The following DPP10 variants were observed in gnomAD, a reference collection of about 807,000 sequenced individuals.
DPP10 encodes inactive dipeptidyl peptidase 10.
In DPP10, 33 loss-of-function variants were observed where a neutral mutation model predicts 120.9. That is an observed-to-expected ratio of 0.27 (90% confidence interval 0.21 to 0.37). DPP10 has a LOEUF of 0.37. DPP10 is among the 10% of genes least tolerant of loss of function. The pLI, the probability that DPP10 is intolerant of heterozygous loss-of-function variation, is 1.00. For missense variants in DPP10, 816 were observed against 942.8 expected (o/e 0.87, Z 1.76); for synonymous variants, 337 against 326.1 (o/e 1.03, Z -0.36).
chr2:115,276,672 A>G (rs1433132638), intron 1 of DPP10, among the ~76,000 whole-genome samples: 1 of 152,208 alleles, frequency 6.6e-6, no homozygotes, highest in Admixed American at 6.5e-5. Flanking sequence ...AGAATTTTGT[A>G]AGATATCCAA....
At chr2:114,464,771 G>A (rs950160659) in intron 1 of DPP10, among the ~76,000 whole-genome samples, 7 of 152,176 alleles carry the variant, frequency 4.6e-5, no homozygotes, top group Non-Finnish European at 7.4e-5. Context: ...AGTCTGAGGC[G>A]GGAGAATCGC....
At chr2:115,512,631 G>T (rs933764608) in intron 4 of DPP10, among the ~76,000 whole-genome samples, 1 of 151,152 alleles carries the variant, frequency 6.6e-6, no homozygotes, top group African/African-American at 2.4e-5. Context: ...TATTTCTGTT[G>T]TTATTTATTT....
intron 7 of DPP10, among the ~76,000 whole-genome samples, chr2:115,716,317 G>T (rs1487891813): frequency 6.6e-6 from 1 of 152,124 alleles, no homozygotes; most frequent in Non-Finnish European, 1.5e-5. Context: ...TTTTTGACAT[G>T]CTTTTCAGCC....
At chr2:114,553,552 C>T (rs1485758981) in intron 1 of DPP10, among the ~76,000 whole-genome samples, 5 of 152,088 alleles carry the variant, frequency 3.3e-5, no homozygotes, top group South Asian at 4.2e-4. Context: ...TCAAGAGAGG[C>T]GAGTGGTTTT....
intron 1 of DPP10, among the ~76,000 whole-genome samples, chr2:114,648,312 G>C (rs976048774): frequency 1.9e-4 from 29 of 152,144 alleles, no homozygotes; most frequent in African/African-American, 7.0e-4. Context: ...AAACTAGCAG[G>C]TTAACTTGTT....
intron 2 of DPP10, among the ~76,000 whole-genome samples, chr2:115,337,830 G>A (rs2063235994): frequency 1.3e-5 from 2 of 151,438 alleles, no homozygotes; most frequent in Admixed American, 1.3e-4. Context: ...TTAAGGAAAG[G>A]AACAAAGAAA....
intron 19 of DPP10, among the ~76,000 whole-genome samples, chr2:115,805,950 T>G (rs576579941): frequency 5.3e-5 from 8 of 152,144 alleles, no homozygotes; most frequent in Non-Finnish European, 4.4e-5. Flanking sequence ...AATCCCCGTT[T>G]TTGCAGGTGA....
chr2:114,552,642 T>C (rs1396348214), intron 1 of DPP10, among the ~76,000 whole-genome samples: 1 of 152,032 alleles, frequency 6.6e-6, no homozygotes, highest in Non-Finnish European at 1.5e-5. Context: ...GTCTCCCAGG[T>C]TCAAGCAATT....
intron 1 of DPP10, among the ~76,000 whole-genome samples, chr2:114,510,291 C>G (rs560739437): frequency 3.3e-5 from 5 of 152,284 alleles, no homozygotes; most frequent in Admixed American, 3.3e-4. Flanking sequence ...GATTGTTACA[C>G]CTCACAGGCT....
chr2:114,974,342 G>C (rs537648128), intron 1 of DPP10, among the ~76,000 whole-genome samples: 3 of 151,816 alleles, frequency 2.0e-5, no homozygotes, highest in African/African-American at 7.3e-5. Context: ...AGAGTAACAT[G>C]CTGTTCAGGT....
chr2:115,737,634 G>C (rs1676725947), intron 8 of DPP10, among the ~76,000 whole-genome samples: 1 of 152,152 alleles, frequency 6.6e-6, no homozygotes, highest in Non-Finnish European at 1.5e-5. Flanking sequence ...ACATGGCCTA[G>C]ATCAGTTGCA....
intron 13 of DPP10, among the ~76,000 whole-genome samples, chr2:115,769,634 G>T (rs1183391317): frequency 6.6e-6 from 1 of 151,834 alleles, no homozygotes; most frequent in African/African-American, 2.4e-5. Context: ...TCCTATTTAT[G>T]CTCTAAATAA....
chr2:115,371,340 A>G lies in DPP10; in HGVS notation c.271+27428A>G, dbSNP rs974782145. On this transcript the variant is annotated intron_variant, in intron 3 of 25. Transcript: ENST00000410059. ...GATGAAAGAAGGAGTCTCTTACAAA[A>G]TGTAGCTCATAGCTCATAAAGATAT... 7.9e-5 allele frequency among the ~76,000 whole-genome samples: 12 copies of G among 152,306 alleles called. No homozygotes were observed. In the East Asian group the frequency reaches 2.3e-3, roughly 29 times the overall value.
chr2:115,495,843 G>A (rs1376593436), intron 3 of DPP10, among the ~76,000 whole-genome samples: 1 of 152,070 alleles, frequency 6.6e-6, no homozygotes, highest in African/African-American at 2.4e-5. Flanking sequence ...GCTCTTAACT[G>A]TCAAAGAGTT....
At chr2:115,306,594 T>C (rs1216548415) in intron 1 of DPP10, among the ~76,000 whole-genome samples, 1 of 152,104 alleles carries the variant, frequency 6.6e-6, no homozygotes, top group Non-Finnish European at 1.5e-5. Context: ...AATGTAATGG[T>C]AATAGAATAT....
At chr2:115,824,474 G>T (rs75381692) in intron 21 of DPP10, among the ~76,000 whole-genome samples, 2,153 of 151,738 alleles carry the variant, frequency 0.014, 58 homozygotes, top group African/African-American at 0.05. Context: ...TTTCCCTTGC[G>T]CCCCACCCCC....
chr2:115,023,285 C>T (rs530560488), intron 1 of DPP10, among the ~76,000 whole-genome samples: 1 of 151,962 alleles, frequency 6.6e-6, no homozygotes, highest in South Asian at 2.1e-4. Flanking sequence ...CTACAAAAAA[C>T]TCAAATCATC....
At chr2:115,383,295 T>C (rs915942515) in intron 3 of DPP10, among the ~76,000 whole-genome samples, 2 of 152,170 alleles carry the variant, frequency 1.3e-5, no homozygotes, top group African/African-American at 4.8e-5. Flanking sequence ...TCACAAGATA[T>C]GATGGTTTTA....
chr2:114,925,508 G>A (rs1457137454), intron 1 of DPP10, among the ~76,000 whole-genome samples: 1 of 152,126 alleles, frequency 6.6e-6, no homozygotes, highest in African/African-American at 2.4e-5. Context: ...CAGCAGCTGC[G>A]TGGGAATTGC....
Sources: gnomAD v4.1 joint callset for allele counts (sites outside exome capture counted in the v4.1 genomes callset) on GRCh38, gnomAD v4.1.1 for gene constraint, MANE v1.5 for transcripts, NCBI Gene and HGNC (gene_info 2026-07-23, HGNC 2026-07-21) for gene names.